UBXN4: variants seen among roughly 807,000 people sequenced by gnomAD.
UBXN4 encodes UBX domain-containing protein 4.
UBXN4 carries 35 observed loss-of-function variants against 66.2 expected under a neutral mutation model. The observed-to-expected ratio is 0.53, with a 90% CI of 0.40 to 0.70. UBXN4 has a LOEUF of 0.70. UBXN4 is among the 30% of genes least tolerant of loss of function. The pLI is 0.00. For synonymous variants in UBXN4, 203 were observed against 204.5 expected (o/e 0.99, Z 0.06); for missense variants, 533 against 599.8 (o/e 0.89, Z 1.16).
chr2:135,759,766 ATTTTTTT>A (rs10660396), intron 5 of UBXN4, among the ~76,000 whole-genome samples: 1 of 93,464 alleles, frequency 1.1e-5, no homozygotes, highest in South Asian at 3.5e-4. Flanking sequence ...TCAATCCAGA[ATTTTTTT>A]TTTTTTTTTT....
At chr2:135,748,238 G>A in intron 1 of UBXN4, 29 bp from the exon 2 acceptor site, 1 of 1,506,926 alleles carries the variant, frequency 6.6e-7, no homozygotes, top group Non-Finnish European at 8.9e-7. Context: ...ATCCCAGCCT[G>A]GTATAAGAAT....
intron 6 of UBXN4, among the ~76,000 whole-genome samples, chr2:135,768,334 G>A (rs2077360073): frequency 6.6e-6 from 1 of 151,606 alleles, no homozygotes; most frequent in African/African-American, 2.4e-5. Context: ...GAGTAGCTGG[G>A]ATTACAGGCG....
chr2:135,782,719 C>T (rs1174611195), intron 12 of UBXN4, 30 bp from the exon 13 acceptor site: 2 of 1,605,630 alleles, frequency 1.2e-6, no homozygotes, highest in Non-Finnish European at 1.7e-6. Context: ...TTTATGACAT[C>T]TTCCCCTTGC....
chr2:135,752,537 T>A (rs2077249840), intron 2 of UBXN4, among the ~76,000 whole-genome samples: 1 of 152,222 alleles, frequency 6.6e-6, no homozygotes, highest in Non-Finnish European at 1.5e-5. Flanking sequence ...TTGCTTTTAA[T>A]CCTTTGTTAT....
chr2:135,784,455 A>G lies in UBXN4; in HGVS notation c.*1568A>G, dbSNP rs1411698944. 1.3e-5 allele frequency: 2 copies of G among 152,212 alleles called. No homozygotes were observed. Among genetic ancestry groups the G allele is most frequent in the African/African-American group, 4.8e-5 (2 of 41,452 alleles). The allele number at this position is 152,212 out of a possible 1,614,324, so 9.4% of individuals were successfully genotyped here. On this transcript the variant is annotated 3_prime_UTR_variant, in exon 13 of 13. Transcript: ENST00000272638. ...ATTTTCTACATAGATAGTACTAGGT[A>G]TTAATAGATATGTAAAGAAAGAAAT...
chr2:135,748,466 G>A, intron 2 of UBXN4, 97 bp downstream of exon 2: 1 of 936,204 alleles, frequency 1.1e-6, no homozygotes, highest in Non-Finnish European at 1.5e-6. Context: ...GTTGATGTTG[G>A]GCTGGGCACT....
chr2:135,778,217 C>T (rs1289798381), intron 10 of UBXN4, among the ~76,000 whole-genome samples: 2 of 150,680 alleles, frequency 1.3e-5, no homozygotes, highest in Admixed American at 1.3e-4. Context: ...ACAAAAATTC[C>T]ACCTCAGTAC....
chr2:135,769,924 T>C (rs2077373022), intron 7 of UBXN4, 101 bp downstream of exon 7: 1 of 931,362 alleles, frequency 1.1e-6, no homozygotes. Context: ...TTCATAGTTT[T>C]AGTTCAGTGT....
rs2077434423 is a variant in UBXN4 at position 135,778,996 on chromosome 2, A to G, written c.1102A>G (p.Arg368Gly). Residue 368 changes from arginine to glycine, a missense_variant, in exon 11 of 13, where the codon AGG becomes GGG. Transcript: ENST00000272638. ...GNFSLATMFP[R>G]REFTKEDYKK... ...TTTTTCGTTAGCAACCATGTTTCCCAGGAGGGAATTTACCAAAGAAGATTA... is the reference window on the plus strand; with the variant it reads ...TTTTTCGTTAGCAACCATGTTTCCCGGGAGGGAATTTACCAAAGAAGATTA... The G allele has an allele frequency of 5.6e-6, 9 of 1,613,678 alleles. No homozygotes were observed. Among genetic ancestry groups the G allele is most frequent in the South Asian group, 1.1e-5 (1 of 90,910 alleles).
In UBXN4 at chr2:135,772,516, G is replaced by A. The variant is rs934983407; in HGVS notation, c.919G>A (p.Val307Ile). Residue 307 changes from valine (V) to isoleucine (I), a missense_variant, in exon 9 of 13, where the codon GTC (valine) becomes ATC (isoleucine). By Grantham distance (29) the Val-to-Ile change is conservative. This residue lies in a region of UBXN4 where 529 missense variants were observed against 580.1 expected (regional missense o/e 0.91). Coordinates refer to ENST00000272638, the MANE Select transcript of UBXN4 (RefSeq NM_014607.4). ...GCTAGCAAAACAGGCAGAAATGGAA[G>A]TCAAGAGGGAATCTTATGCAAGAGA... ...ALLAKQAEME[V>I]KRESYARERS... 6.2e-7 allele frequency: 1 copy of A among 1,613,850 alleles called. No individual in the cohort carries two copies. The highest frequency in any genetic ancestry group is 8.5e-7 in the Non-Finnish European group (1 of 1,179,898).
chr2:135,757,310 A>G (rs564141394), intron 5 of UBXN4, among the ~76,000 whole-genome samples: 1 of 152,316 alleles, frequency 6.6e-6, no homozygotes, highest in African/African-American at 2.4e-5. Context: ...AGATAAAATT[A>G]TGTTATACAT....
chr2:135,763,058 A>C (rs1311704974), intron 6 of UBXN4, among the ~76,000 whole-genome samples: 1 of 152,190 alleles, frequency 6.6e-6, no homozygotes, highest in Non-Finnish European at 1.5e-5. Flanking sequence ...TGCCTGTGTC[A>C]TAGTACTAAT....
chr2:135,769,550 G>T (rs60453613), intron 6 of UBXN4, among the ~76,000 whole-genome samples: 3 of 151,952 alleles, frequency 2.0e-5, no homozygotes, highest in Non-Finnish European at 4.4e-5. Flanking sequence ...ATCATAAGTG[G>T]GAAGTGAGGC....
chr2:135,751,974 A>G (rs2077244943), intron 2 of UBXN4, among the ~76,000 whole-genome samples: 1 of 152,130 alleles, frequency 6.6e-6, no homozygotes, highest in South Asian at 2.1e-4. Context: ...TCAAGAAAAT[A>G]TATTTATGTT....
chr2:135,752,593 A>G (rs527528965), intron 2 of UBXN4, among the ~76,000 whole-genome samples: 1 of 152,308 alleles, frequency 6.6e-6, no homozygotes, highest in East Asian at 1.9e-4. Context: ...CGTAGGCCTT[A>G]TGTCTTCGTG....
At chr2:135,748,012 T>G in intron 1 of UBXN4, 1 of 355,670 alleles carries the variant, frequency 2.8e-6, no homozygotes. Context: ...TTGCGCATCA[T>G]AATTTAGATG....
intron 2 of UBXN4, among the ~76,000 whole-genome samples, chr2:135,748,867 TA>T (rs1335345309): frequency 5.1e-4 from 74 of 145,504 alleles, no homozygotes; most frequent in Admixed American, 1.2e-3. Flanking sequence ...TTGTCTCTAC[TA>T]AAAAAAAAAA....
chr2:135,754,232 T>C lies in UBXN4; in HGVS notation c.288T>C (p.Ser96=), dbSNP rs907191562. 6.2e-7 allele frequency: 1 copy of C among 1,614,142 alleles called. No individual in the cohort carries two copies. Among genetic ancestry groups the C allele is most frequent in the Non-Finnish European group, 8.5e-7 (1 of 1,179,986 alleles). Residue 96 remains serine (S), a synonymous_variant, in exon 4 of 13, where the codon AGT becomes AGC. Transcript: ENST00000272638. ...TTCCCTTGGAAGTAATAGCAGGAAG[T>C]GTTTCTGCAGATGAACTTGTTACAA... ...SGIPLEVIAG[S]VSADELVTRI...
chr2:135,764,878 G>A (rs1309179817), intron 6 of UBXN4, among the ~76,000 whole-genome samples: 5 of 152,196 alleles, frequency 3.3e-5, no homozygotes, highest in Non-Finnish European at 4.4e-5. Flanking sequence ...GCAGTGACAT[G>A]ATCTCGGCTC....
Sources: gnomAD v4.1 joint callset for allele counts (sites outside exome capture counted in the v4.1 genomes callset) on GRCh38, gnomAD v4.1.1 for gene constraint, gnomAD v4.1.1 regional missense constraint, MANE v1.5 for transcripts, NCBI Gene and HGNC (gene_info 2026-07-23, HGNC 2026-07-21) for gene names.